Variants in CRYGS observed in about 807,000 individuals in gnomAD.
CRYGS encodes gamma-crystallin S.
Under a neutral mutation model 21.3 loss-of-function variants are expected in CRYGS, and 13 were observed. That is an observed-to-expected ratio of 0.61 (90% CI 0.40 to 0.97). CRYGS has a LOEUF of 0.97. Among genes scored for constraint, CRYGS ranks in the 50% least tolerant of loss-of-function variants. The pLI is 0.00. For synonymous variants in CRYGS, 67 were observed against 75.0 expected (o/e 0.89, Z 0.55); for missense variants, 205 against 229.7 (o/e 0.89, Z 0.69).
Position 186,538,754 on chromosome 3 carries a change from G to T in CRYGS, c.479C>A (p.Pro160His), listed in dbSNP as rs760802093. Residue 160 changes from proline to histidine, a missense_variant, in exon 3 of 3, where the codon CCC (proline) becomes CAC (histidine). By Grantham distance (77) the Pro-to-His change is moderately conservative. Coordinates refer to ENST00000307944, the MANE Select transcript of CRYGS (RefSeq NM_017541.4). ...YLLDKKEYRK[P>H]IDWGAASPAV... ...TGGGGAGGCTGCACCCCAATCGATG[G>T]GCTTCCGGTACTCCTTCTTGTCCAG... 2 of 1,614,146 alleles carry T rather than the reference G, an allele frequency of 1.2e-6. No homozygotes were observed. Among genetic ancestry groups the T allele is most frequent in the South Asian group, 2.2e-5 (2 of 91,078 alleles).
chr3:186,540,275 T>C (rs1714034124), intron 1 of CRYGS: 1 of 152,794 alleles, frequency 6.5e-6, no homozygotes, highest in Non-Finnish European at 1.5e-5. Context: ...GGTAAGTCTC[T>C]GATGGCACTG....
At position 186,539,376 on chromosome 3, in the gene CRYGS, G is replaced by A. The variant is rs1286221486; in HGVS notation, c.243C>T (p.Ser81=). The change falls in exon 2 of 3, where the codon AGC becomes AGT. Residue 81 remains serine, a synonymous_variant. Coordinates refer to ENST00000307944, the MANE Select transcript of CRYGS (RefSeq NM_017541.4). The part of the protein sequence containing the change: ...QRWMGLNDRL[S]SCRAVHLPSG... The stretch of plus-strand genomic sequence containing the variant: ...TCACCAGATGAACAGCTCTGCAGGA[G>A]CTGAGGCGGTCGTTGAGGCCCATCC... The A allele has an allele frequency of 1.2e-6, 2 of 1,612,228 alleles. No homozygotes were observed. Among genetic ancestry groups the A allele is most frequent in the Admixed American group, 3.3e-5 (2 of 60,024 alleles).
intron 1 of CRYGS, 152 bp from the exon 2 acceptor site, chr3:186,539,749 T>C (rs1714015777): frequency 2.3e-6 from 2 of 868,922 alleles, no homozygotes; most frequent in Non-Finnish European, 3.5e-6. Context: ...AACATTGCTT[T>C]CTGACAGACA....
At position 186,538,591 on chromosome 3, in the gene CRYGS, G is replaced by A; in HGVS notation, c.*105C>T. On this transcript the variant is annotated 3_prime_UTR_variant, in exon 3 of 3. Transcript: ENST00000307944. ...GAAGCATTTAAGGAGAGGCATTATAGTCAGCAGTGGGATGCATGCCAACTG... is the reference window on the plus strand; with the variant it reads ...GAAGCATTTAAGGAGAGGCATTATAATCAGCAGTGGGATGCATGCCAACTG... 1 of 1,431,876 alleles carries A rather than the reference G, an allele frequency of 7.0e-7. No homozygotes were observed. The highest frequency in any genetic ancestry group is 9.8e-7 in the Non-Finnish European group (1 of 1,022,622). 88.7% of individuals were successfully genotyped at this position (1,431,876 alleles called of 1,614,324 possible).
At chr3:186,544,175 C>A in intron 1 of CRYGS, 131 bp downstream of exon 1, 1 of 751,376 alleles carries the variant, frequency 1.3e-6, no homozygotes, top group South Asian at 1.4e-5. Context: ...ATTTCTTAAT[C>A]TTCTCTCTCA....
intron 1 of CRYGS, among the ~76,000 whole-genome samples, chr3:186,541,957 G>A (rs931192922): frequency 6.6e-6 from 1 of 152,192 alleles, no homozygotes; most frequent in Non-Finnish European, 1.5e-5. Context: ...AGAATGGATA[G>A]ATTCTAAACT....
chr3:186,538,707 T>G lies in CRYGS; in HGVS notation c.526A>C (p.Ile176Leu), dbSNP rs754666754. ...ASPAVQSFRR[I>L]VE is the part of the protein sequence containing the mutation. The stretch of plus-strand genomic sequence containing the variant: ...CCCCATTCATGTCATTACTCCACAA[T>G]GCGGCGGAAAGACTGGACAGCTGGG... Residue 176 changes from isoleucine (I) to leucine (L), a missense_variant, in exon 3 of 3, where the codon ATT (isoleucine) becomes CTT (leucine). Ile to Leu is a conservative substitution (Grantham distance 5). Coordinates refer to ENST00000307944, the MANE Select transcript of CRYGS (RefSeq NM_017541.4). 2.5e-6 allele frequency: 4 copies of G among 1,614,048 alleles called. No individual in the cohort carries two copies. In the African/African-American group the frequency reaches 5.3e-5, roughly 22 times the overall value.
Position 186,538,954 on chromosome 3 carries a change from C to G in CRYGS, c.279G>C (p.Gln93His), listed in dbSNP as rs777533197. 6.2e-7 allele frequency: 1 copy of G among 1,614,044 alleles called. No individual in the cohort carries two copies. Among genetic ancestry groups the G allele is most frequent in the Non-Finnish European group, 8.5e-7 (1 of 1,179,988 alleles). ...CRAVHLPSGG[Q>H]YKIQIFEKGD... ...CTTTCTCAAAGATCTGAATCTTATA[C>G]TGGCCTCCACTAGGCTGAAAAGACA... Residue 93 changes from glutamine to histidine, a missense_variant, in exon 3 of 3, where the codon CAG becomes CAC. Gln to His is a conservative substitution (Grantham distance 24, BLOSUM62 0). Coordinates refer to ENST00000307944, the MANE Select transcript of CRYGS (RefSeq NM_017541.4).
At position 186,538,667 on chromosome 3, in the gene CRYGS, C is replaced by T; in HGVS notation, c.*29G>A. ...CACAAGGCCAGCCAGCATTTGGGCC[C>T]CAGGAAGAATATGGCCCCATTCATG... On this transcript the variant is annotated 3_prime_UTR_variant, in exon 3 of 3. Transcript: ENST00000307944. 1 of 1,613,924 alleles carries T rather than the reference C, an allele frequency of 6.2e-7. No homozygotes were observed. Among genetic ancestry groups the T allele is most frequent in the Non-Finnish European group, 8.5e-7 (1 of 1,179,966 alleles).
intron 1 of CRYGS, 170 bp from the exon 2 acceptor site, chr3:186,539,767 T>A: frequency 1.4e-6 from 1 of 728,264 alleles, no homozygotes; most frequent in Non-Finnish European, 2.2e-6. Context: ...ACAACTTCAG[T>A]TGTCAACAAC....
In CRYGS at chr3:186,544,357, T is replaced by C. The variant is rs370806464; in HGVS notation, c.-31A>G. The C allele has an allele frequency of 1.9e-6, 3 of 1,541,620 alleles. No homozygotes were observed. The highest frequency in any genetic ancestry group is 2.7e-6 in the Non-Finnish European group (3 of 1,114,136). On this transcript the variant is annotated 5_prime_UTR_variant, in exon 1 of 3. Coordinates refer to ENST00000307944, the MANE Select transcript of CRYGS (RefSeq NM_017541.4). The stretch of plus-strand genomic sequence containing the variant: ...GTGCATAGACTGGTTTTCCCAGTGC[T>C]GAAAGAAATTCAGGAATGGCTACAG...
At position 186,538,593 on chromosome 3, in the gene CRYGS, C is replaced by G. The variant is rs1713980612; in HGVS notation, c.*103G>C. On this transcript the variant is annotated 3_prime_UTR_variant, in exon 3 of 3. Transcript: ENST00000307944. ...AGCATTTAAGGAGAGGCATTATAGT[C>G]AGCAGTGGGATGCATGCCAACTGTT... 7.0e-7 allele frequency: 1 copy of G among 1,436,020 alleles called. No individual in the cohort carries two copies. The highest frequency in any genetic ancestry group is 1.2e-5 in the South Asian group (1 of 85,396). The allele number at this position is 1,436,020 out of a possible 1,614,324, so 89.0% of individuals were successfully genotyped here. A position where few individuals can be genotyped will look rare whatever the true frequency, so the allele number is the denominator to read the frequency against.
chr3:186,540,859 A>C (rs1714048621), intron 1 of CRYGS: 1 of 197,774 alleles, frequency 5.1e-6, no homozygotes, highest in Admixed American at 6.5e-5. Flanking sequence ...TGTTTAAAAG[A>C]ATAAAGTGAA....
In CRYGS at chr3:186,539,282, T is replaced by C. The variant is rs1462761060; in HGVS notation, c.264+73A>G. On this transcript the variant is annotated intron_variant, in intron 2 of 2. Coordinates refer to ENST00000307944, the MANE Select transcript of CRYGS (RefSeq NM_017541.4). ...AAGAGGTAGAGAAGACTCAAGAAAA[T>C]GTTCACCTAAAAGCAAGAGAAAGCG... is the stretch of plus-strand genomic sequence containing the variant. 4 of 1,601,144 alleles carry C rather than the reference T, an allele frequency of 2.5e-6. No individual in the cohort carries two copies. The African/African-American group carries it at 4.0e-5, about 16-fold the overall frequency.
chr3:186,538,849 G>A lies in CRYGS; in HGVS notation c.384C>T (p.His128=). The A allele has an allele frequency of 6.2e-7, 1 of 1,614,148 alleles. No homozygotes were observed. The highest frequency in any genetic ancestry group is 8.5e-7 in the Non-Finnish European group (1 of 1,180,024). The change falls in exon 3 of 3, where the codon CAC becomes CAT. Residue 128 remains histidine, a synonymous_variant. Transcript: ENST00000307944. ...AGACACCCTCCAGCACCTTACAGGA[G>A]TGGATCTCTCGCATGTGAAATTGCT... The part of the protein sequence containing the change: ...IMEQFHMREI[H]SCKVLEGVWI...
At chr3:186,542,822 A>G (rs1714100283) in intron 1 of CRYGS, among the ~76,000 whole-genome samples, 1 of 152,230 alleles carries the variant, frequency 6.6e-6, no homozygotes, top group South Asian at 2.1e-4. Context: ...TTACCTCAAG[A>G]TACATGGATA....
Position 186,539,577 on chromosome 3 carries a change from T to G in CRYGS, c.42A>C (p.Lys14Asn). The change falls in exon 2 of 3, where the codon AAA becomes AAC. Residue 14 changes from lysine to asparagine, a missense_variant. Transcript: ENST00000307944. ...TGTKITFYED[K>N]NFQGRRYDCD... Reference sequence around the variant, plus strand: ...AGTCATAGCGACGGCCTTGAAAATTTTTGTCTTCATAGAAAGTAATCTGAA... The same window carrying G: ...AGTCATAGCGACGGCCTTGAAAATTGTTGTCTTCATAGAAAGTAATCTGAA... The G allele has an allele frequency of 6.2e-7, 1 of 1,613,988 alleles. No individual in the cohort carries two copies. The highest frequency in any genetic ancestry group is 8.5e-7 in the Non-Finnish European group (1 of 1,179,886).
chr3:186,544,374 T>C lies in CRYGS; in HGVS notation c.-48A>G, dbSNP rs749752660. ...CCCAGTGCTGAAAGAAATTCAGGAA[T>C]GGCTACAGAGAGTTAGAGGCACAGT... On this transcript the variant is annotated 5_prime_UTR_variant, in exon 1 of 3. Transcript: ENST00000307944. 6.6e-6 allele frequency: 9 copies of C among 1,372,170 alleles called. No homozygotes were observed. The highest frequency in any genetic ancestry group is 2.9e-5 in the African/African-American group (2 of 70,052). 85.0% of individuals were successfully genotyped at this position (1,372,170 alleles called of 1,614,324 possible).
In CRYGS at chr3:186,544,298, C is replaced by T; in HGVS notation, c.21+8G>A. The T allele has an allele frequency of 6.3e-7, 1 of 1,599,184 alleles. No individual in the cohort carries two copies. The highest frequency in any genetic ancestry group is 8.6e-7 in the Non-Finnish European group (1 of 1,166,472). ...GCGGGTAGGCTAAAAATCAATATGA[C>T]TACTTACCTTGGTTCCAGTTTTAGA... On this transcript the variant is annotated splice_region_variant and intron_variant, in intron 1 of 2. Transcript: ENST00000307944.
Sources: allele counts gnomAD v4.1 joint callset (sites outside exome capture counted in the v4.1 genomes callset), GRCh38; gene constraint gnomAD v4.1.1; transcripts MANE v1.5; gene names NCBI Gene and HGNC (gene_info 2026-07-23, HGNC 2026-07-21).